The following NR3C2 variants were observed in gnomAD, a reference collection of about 807,000 sequenced individuals.
NR3C2 encodes mineralocorticoid receptor.
In NR3C2, 15 loss-of-function variants were observed where a neutral mutation model predicts 86.4. That is an observed-to-expected ratio of 0.17 (90% CI 0.12 to 0.27). The LOEUF is 0.27. Among genes scored for constraint, NR3C2 ranks in the 10% least tolerant of loss-of-function variants. The probability of loss-of-function intolerance (pLI) is 1.00; values close to 1 mark genes in which losing one functional copy is unlikely to be tolerated. For missense variants in NR3C2, 960 were observed against 1,195.6 expected, an observed-to-expected ratio of 0.80 and a Z score of 2.91; for synonymous variants, 458 against 450.5, an observed-to-expected ratio of 1.02 and a Z score of -0.21.
At chr4:148,406,886 A>G (rs1748453523) in intron 2 of NR3C2, among the ~76,000 whole-genome samples, 1 of 152,214 alleles carries the variant, frequency 6.6e-6, no homozygotes, top group Non-Finnish European at 1.5e-5. Flanking sequence ...TCTGACAGTC[A>G]ATAGTTTCAG....
intron 6 of NR3C2, among the ~76,000 whole-genome samples, chr4:148,132,124 A>C (rs1280845047): frequency 6.6e-6 from 1 of 152,252 alleles, no homozygotes; most frequent in Non-Finnish European, 1.5e-5. Flanking sequence ...TCTTTAGTGC[A>C]GGAGAGAAAA....
chr4:148,209,829 G>C (rs1737194935), intron 3 of NR3C2, among the ~76,000 whole-genome samples: 1 of 152,122 alleles, frequency 6.6e-6, no homozygotes, highest in Non-Finnish European at 1.5e-5. Flanking sequence ...CTTAAGTCTT[G>C]GTTTAATCCT....
At chr4:148,102,180 T>G (rs1173695406) in intron 8 of NR3C2, among the ~76,000 whole-genome samples, 4 of 152,284 alleles carry the variant, frequency 2.6e-5, no homozygotes, top group Admixed American at 2.0e-4. Context: ...CCAGACTTTT[T>G]GCAGCCACCT....
intron 3 of NR3C2, among the ~76,000 whole-genome samples, chr4:148,255,943 T>C (rs182708435): frequency 6.6e-6 from 1 of 152,364 alleles, no homozygotes; most frequent in Admixed American, 6.5e-5. Context: ...ATTGCTCTTA[T>C]GTCACATGGA....
chr4:148,117,508 G>C (rs1458032277), intron 7 of NR3C2, among the ~76,000 whole-genome samples: 4 of 139,652 alleles, frequency 2.9e-5, no homozygotes, highest in Non-Finnish European at 4.8e-5. Context: ...CTAGCTCATA[G>C]AGGATACTCA....
intron 2 of NR3C2, among the ~76,000 whole-genome samples, chr4:148,304,352 T>TTTTA (rs141707087): frequency 0.13 from 17,207 of 127,756 alleles, 1,151 homozygotes; most frequent in Non-Finnish European, 0.16. Flanking sequence ...TTTTTTTTTT[T>TTTTA]AACCAGTTGG....
Position 148,135,078 on chromosome 4 carries a change from G to T in NR3C2, c.2511-14790C>A, listed in dbSNP as rs561513230. Among the ~76,000 whole-genome samples the T allele has an allele frequency of 1.1e-4, 16 of 152,282 alleles. No homozygotes were observed. The South Asian group carries it at 3.1e-3, about 30-fold the overall frequency. On this transcript the variant is annotated intron_variant, in intron 6 of 8. Coordinates refer to ENST00000358102, the MANE Select transcript of NR3C2 (RefSeq NM_000901.5). Reference sequence around the variant, plus strand: ...ACAAAGAACTGGAGGGTGGCAGAATGTGAGAGGGAAGGAAAGGGGGCAGGG... The same window carrying T: ...ACAAAGAACTGGAGGGTGGCAGAATTTGAGAGGGAAGGAAAGGGGGCAGGG...
intron 2 of NR3C2, among the ~76,000 whole-genome samples, chr4:148,319,705 T>G (rs1378033320): frequency 1.3e-5 from 2 of 151,010 alleles, no homozygotes; most frequent in Non-Finnish European, 2.9e-5. Flanking sequence ...TAAGAATGCT[T>G]GTGATTTTTG....
At chr4:148,168,016 C>T (rs1344117130) in intron 4 of NR3C2, among the ~76,000 whole-genome samples, 1 of 152,150 alleles carries the variant, frequency 6.6e-6, no homozygotes, top group East Asian at 1.9e-4. Context: ...GGCGGTCCTG[C>T]CACTTCTAAC....
intron 3 of NR3C2, among the ~76,000 whole-genome samples, chr4:148,224,125 G>A (rs1738014254): frequency 7.6e-6 from 1 of 131,240 alleles, no homozygotes; most frequent in Admixed American, 8.2e-5. Context: ...GAGAAAGAAT[G>A]TGCAAAGAAA....
At chr4:148,209,793 T>A (rs1358025331) in intron 3 of NR3C2, among the ~76,000 whole-genome samples, 1 of 152,170 alleles carries the variant, frequency 6.6e-6, no homozygotes, top group African/African-American at 2.4e-5. Flanking sequence ...CCCTTCCAGG[T>A]CTGCCATCTC....
At chr4:148,344,616 G>A (rs1744903194) in intron 2 of NR3C2, among the ~76,000 whole-genome samples, 1 of 152,118 alleles carries the variant, frequency 6.6e-6, no homozygotes. Flanking sequence ...AGCCAGCCAG[G>A]ACTTGAGTCC....
At chr4:148,432,927 A>G (rs535457928) in intron 2 of NR3C2, among the ~76,000 whole-genome samples, 40 of 152,320 alleles carry the variant, frequency 2.6e-4, no homozygotes, top group African/African-American at 8.9e-4. Context: ...GAGATATCAA[A>G]TCACGTTAAA....
At chr4:148,127,512 T>C (rs1457286414) in intron 6 of NR3C2, among the ~76,000 whole-genome samples, 4 of 152,164 alleles carry the variant, frequency 2.6e-5, no homozygotes, top group Non-Finnish European at 1.5e-5. Context: ...CCTTGAACAG[T>C]GGACTAATAC....
chr4:148,108,934 T>C (rs1731925399), intron 8 of NR3C2, among the ~76,000 whole-genome samples: 2 of 152,182 alleles, frequency 1.3e-5, no homozygotes, highest in Non-Finnish European at 2.9e-5. Context: ...CGGAGGGTGG[T>C]GCAGCTGTCC....
At chr4:148,102,712 C>T (rs1031447869) in intron 8 of NR3C2, among the ~76,000 whole-genome samples, 1 of 152,224 alleles carries the variant, frequency 6.6e-6, no homozygotes, top group Non-Finnish European at 1.5e-5. Flanking sequence ...CCTCTAGAAT[C>T]TGTCAGACAG....
chr4:148,144,528 AC>A (rs1578935020), intron 6 of NR3C2, among the ~76,000 whole-genome samples: 1 of 152,120 alleles, frequency 6.6e-6, no homozygotes, highest in Non-Finnish European at 1.5e-5. Flanking sequence ...AATTCTTACC[AC>A]TATGATAGAT....
chr4:148,289,973 G>A (rs1741720689), intron 2 of NR3C2, among the ~76,000 whole-genome samples: 1 of 152,136 alleles, frequency 6.6e-6, no homozygotes. Flanking sequence ...CTTCTGCAGG[G>A]AAGCCTTGAG....
intron 2 of NR3C2, among the ~76,000 whole-genome samples, chr4:148,270,701 C>T (rs1304534727): frequency 6.6e-6 from 1 of 152,118 alleles, no homozygotes; most frequent in East Asian, 1.9e-4. Flanking sequence ...ACAGTAGAGG[C>T]TTTAAATAAG....
Sources: allele counts gnomAD v4.1 joint callset (sites outside exome capture counted in the v4.1 genomes callset), GRCh38; gene constraint gnomAD v4.1.1; transcripts MANE v1.5; gene names NCBI Gene and HGNC (gene_info 2026-07-23, HGNC 2026-07-21).